LRRC4C: variants seen among roughly 807,000 people sequenced by gnomAD.
The protein encoded by LRRC4C is leucine rich repeat containing 4C.
LRRC4C carries 5 observed loss-of-function variants against 33.6 expected under a neutral mutation model. The ratio of observed to expected loss-of-function variants is 0.15; its 90% CI spans 0.08 to 0.31. The LOEUF (loss-of-function observed/expected upper bound fraction) is 0.31. LRRC4C is among the 10% of genes least tolerant of loss of function. LRRC4C has a pLI of 1.00. For synonymous variants in LRRC4C, 329 were observed against 302.0 expected (o/e 1.09, Z -0.93); for missense variants, 560 against 796.7 (o/e 0.70, Z 3.58).
At chr11:40,760,564 C>T (rs576620693) in intron 2 of LRRC4C, among the ~76,000 whole-genome samples, 1 of 151,656 alleles carries the variant, frequency 6.6e-6, no homozygotes, top group South Asian at 2.1e-4. Context: ...AAGTTAGTTA[C>T]TTTTGGATCA....
chr11:41,033,586 T>C (rs1020428619), intron 1 of LRRC4C, among the ~76,000 whole-genome samples: 2 of 152,050 alleles, frequency 1.3e-5, no homozygotes, highest in Non-Finnish European at 2.9e-5. Context: ...CCAGACAAAC[T>C]GGGCATTTGT....
At chr11:40,676,087 T>A (rs1328749049) in intron 2 of LRRC4C, among the ~76,000 whole-genome samples, 1 of 152,204 alleles carries the variant, frequency 6.6e-6, no homozygotes, top group Non-Finnish European at 1.5e-5. Context: ...AAGAACAACA[T>A]ATATCTTATA....
chr11:40,876,901 CAAA>C (rs71060985), intron 2 of LRRC4C, among the ~76,000 whole-genome samples: 2,888 of 98,812 alleles, frequency 0.029, 118 homozygotes, highest in African/African-American at 0.1. Flanking sequence ...GGCTCTTTCT[CAAA>C]AAAAAAAAAA....
At chr11:40,298,791 G>A (rs1409164805) in intron 4 of LRRC4C, among the ~76,000 whole-genome samples, 3 of 152,118 alleles carry the variant, frequency 2.0e-5, no homozygotes, top group Admixed American at 1.3e-4. Context: ...GAAGAAGCAT[G>A]TCTTACATGG....
At chr11:40,902,045 CA>C (rs1293443894) in intron 2 of LRRC4C, among the ~76,000 whole-genome samples, 24 of 137,330 alleles carry the variant, frequency 1.7e-4, no homozygotes, top group Non-Finnish European at 3.7e-4. Flanking sequence ...CACACACACA[CA>C]CCTCTTTTTG....
chr11:40,277,152 C>T (rs1376828355), intron 4 of LRRC4C, among the ~76,000 whole-genome samples: 2 of 152,058 alleles, frequency 1.3e-5, no homozygotes, highest in African/African-American at 4.8e-5. Context: ...CTGTTAGTAT[C>T]ACCACATCTT....
At chr11:40,972,136 ATTTTTT>A (rs3075563) in intron 1 of LRRC4C, among the ~76,000 whole-genome samples, 2 of 137,884 alleles carry the variant, frequency 1.5e-5, no homozygotes, top group Admixed American at 1.5e-4. Flanking sequence ...GGAAGCCATA[ATTTTTT>A]TTTTTTTTTT....
chr11:40,516,633 G>A (rs1361059279), intron 3 of LRRC4C, among the ~76,000 whole-genome samples: 10 of 151,956 alleles, frequency 6.6e-5, no homozygotes, highest in Non-Finnish European at 1.5e-4. Context: ...GGATAATTTT[G>A]TATGAAATCA....
At chr11:40,427,772 G>A (rs1950770596) in intron 3 of LRRC4C, among the ~76,000 whole-genome samples, 2 of 152,096 alleles carry the variant, frequency 1.3e-5, no homozygotes, top group Admixed American at 1.3e-4. Context: ...TGAGGCTACA[G>A]TGAACCATGA....
intron 2 of LRRC4C, among the ~76,000 whole-genome samples, chr11:40,898,711 A>C (rs1174657893): frequency 6.6e-6 from 1 of 152,170 alleles, no homozygotes; most frequent in African/African-American, 2.4e-5. Flanking sequence ...ATTCAAAGCT[A>C]ACAGAAAATG....
chr11:40,318,259 A>G (rs896721599), intron 4 of LRRC4C, among the ~76,000 whole-genome samples: 6 of 152,158 alleles, frequency 3.9e-5, no homozygotes, highest in Non-Finnish European at 7.4e-5. Context: ...AGAAGCCACA[A>G]TGGTCTAATT....
chr11:41,396,450 C>CT (rs573276425), intron 1 of LRRC4C, among the ~76,000 whole-genome samples: 3 of 151,716 alleles, frequency 2.0e-5, no homozygotes, highest in Non-Finnish European at 4.4e-5. Context: ...TTCATGTATT[C>CT]TTTTTTTTCT....
At chr11:40,442,586 AGAACCC>A (rs1951446661) in intron 3 of LRRC4C, among the ~76,000 whole-genome samples, 1 of 152,218 alleles carries the variant, frequency 6.6e-6, no homozygotes, top group African/African-American at 2.4e-5. Context: ...AGTTACAGTG[AGAACCC>A]GACCTTTAAA....
intron 4 of LRRC4C, among the ~76,000 whole-genome samples, chr11:40,267,796 C>G (rs1565208210): frequency 6.6e-6 from 1 of 152,054 alleles, no homozygotes; most frequent in Non-Finnish European, 1.5e-5. Flanking sequence ...GGCCTGTAAG[C>G]TGAAAAGAAG....
At chr11:41,045,420 T>G (rs542335237) in intron 1 of LRRC4C, among the ~76,000 whole-genome samples, 1 of 152,266 alleles carries the variant, frequency 6.6e-6, no homozygotes, top group Non-Finnish European at 1.5e-5. Flanking sequence ...GGAAAGATAA[T>G]TACTCCTCAA....
chr11:40,781,213 T>C (rs1950198955), intron 2 of LRRC4C, among the ~76,000 whole-genome samples: 1 of 152,102 alleles, frequency 6.6e-6, no homozygotes, highest in Non-Finnish European at 1.5e-5. Flanking sequence ...AAAGGTACAG[T>C]AAAATCAGGG....
intron 1 of LRRC4C, among the ~76,000 whole-genome samples, chr11:41,174,546 C>T (rs1945113417): frequency 6.6e-6 from 1 of 151,896 alleles, no homozygotes; most frequent in African/African-American, 2.4e-5. Context: ...ATCAAATCTG[C>T]CTGGATTTTT....
At chr11:40,147,036 TTA>T (rs1482525733) in intron 5 of LRRC4C, among the ~76,000 whole-genome samples, 1 of 152,150 alleles carries the variant, frequency 6.6e-6, no homozygotes, top group Non-Finnish European at 1.5e-5. Context: ...TAGAAAATGG[TTA>T]TGTCTAGATT....
intron 1 of LRRC4C, among the ~76,000 whole-genome samples, chr11:41,369,548 T>TA (rs377090325): frequency 0.011 from 1,557 of 141,954 alleles, 14 homozygotes; most frequent in Middle Eastern, 0.021. Context: ...AAATAAAAAT[T>TA]AAAAAAAAAA....
Sources: allele counts gnomAD v4.1 joint callset (sites outside exome capture counted in the v4.1 genomes callset), GRCh38; gene constraint gnomAD v4.1.1; transcripts MANE v1.5; gene names NCBI Gene and HGNC (gene_info 2026-07-23, HGNC 2026-07-21).